The following CRYBB3 variants were observed in gnomAD, a reference collection of about 807,000 sequenced individuals.
The protein encoded by CRYBB3 is beta-crystallin B3.
Under a neutral mutation model 28.3 loss-of-function variants are expected in CRYBB3, and 35 were observed. The ratio of observed to expected loss-of-function variants is 1.24; its 90% CI spans 0.95 to 1.64. CRYBB3 has a LOEUF of 1.64. Ranked by LOEUF, CRYBB3 falls within the 40% of genes most tolerant of loss-of-function variation. The pLI is 0.00. For missense variants in CRYBB3, 296 were observed against 297.4 expected (o/e 1.00, Z 0.04); for synonymous variants, 106 against 110.4 (o/e 0.96, Z 0.25).
chr22:25,203,668 T>A, intron 3 of CRYBB3, 95 bp from the exon 4 acceptor site: 1 of 1,430,942 alleles, frequency 7.0e-7, no homozygotes, highest in Non-Finnish European at 9.8e-7. Context: ...GGTACAAGGT[T>A]CAAGGTCAGC....
In CRYBB3 at chr22:25,201,549, C is replaced by G. The variant is rs150327844; in HGVS notation, c.75+78C>G. ...TCATCTTCCCAGCCAAGCAGCACCT[C>G]TGCAGGAAGGAAGAGCCATCCTTCC... On this transcript the variant is annotated intron_variant, in intron 2 of 5. Transcript: ENST00000215855. 17 of 1,577,504 alleles carry G rather than the reference C, an allele frequency of 1.1e-5. No individual in the cohort carries two copies. The African/African-American group carries it at 1.8e-4, about 16-fold the overall frequency.
In CRYBB3 at chr22:25,207,081, C is replaced by T. The variant is rs755475309; in HGVS notation, c.505C>T (p.Arg169Cys). The T allele has an allele frequency of 8.1e-5, 131 of 1,613,340 alleles. No individual in the cohort carries two copies. Among genetic ancestry groups the T allele is most frequent in the Middle Eastern group, 1.6e-4 (1 of 6,062 alleles). ...VGYEFPGYRG[R>C]QYVFERGEYR... ...CTATGAGTTCCCCGGCTACCGTGGG[C>T]GCCAGTACGTGTTTGAGCGGGGCGA... The change falls in exon 6 of 6, where the codon CGC becomes TGC. Residue 169 changes from arginine to cysteine, a missense_variant. Coordinates refer to ENST00000215855, the MANE Select transcript of CRYBB3 (RefSeq NM_004076.5).
At chr22:25,201,532 C>G (rs1290361186) in intron 2 of CRYBB3, 61 bp downstream of exon 2, 1 of 1,596,446 alleles carries the variant, frequency 6.3e-7, no homozygotes, top group African/African-American at 1.3e-5. Flanking sequence ...GGTCATCTTC[C>G]CAGCCAAGCA....
intron 4 of CRYBB3, among the ~76,000 whole-genome samples, chr22:25,204,384 TTCTC>T (rs747890269): frequency 4.6e-5 from 7 of 151,906 alleles, no homozygotes; most frequent in Non-Finnish European, 8.8e-5. Flanking sequence ...AGTGCAGTCT[TTCTC>T]TCTCTCTCTT....
Position 25,207,058 on chromosome 22 carries a change from A to T in CRYBB3, c.482A>T (p.Tyr161Phe), listed in dbSNP as rs764603667. The T allele has an allele frequency of 6.2e-7, 1 of 1,613,474 alleles. No homozygotes were observed. The highest frequency in any genetic ancestry group is 8.5e-7 in the Non-Finnish European group (1 of 1,179,622). ...VRAINGTWVG[Y>F]EFPGYRGRQY... ...TGGTCTCCCGGCAGGTGGGTTGGCTATGAGTTCCCCGGCTACCGTGGGCGC... is the reference window on the plus strand; with the variant it reads ...TGGTCTCCCGGCAGGTGGGTTGGCTTTGAGTTCCCCGGCTACCGTGGGCGC... The change falls in exon 6 of 6, where the codon TAT (tyrosine) becomes TTT (phenylalanine). Residue 161 changes from tyrosine to phenylalanine, a missense_variant. Transcript: ENST00000215855.
Position 25,205,272 on chromosome 22 carries a change from G to A in CRYBB3, c.380G>A (p.Arg127His), listed in dbSNP as rs200584818. ...HLFENPAFSG[R>H]KMEIVDDDVP... ...TTTGAGAACCCAGCTTTCAGTGGCC[G>A]CAAGATGGAGATAGTGGATGATGAC... Residue 127 changes from arginine (R) to histidine (H), a missense_variant, in exon 5 of 6, where the codon CGC (arginine) becomes CAC (histidine). Arg to His is a conservative substitution (Grantham distance 29). Coordinates refer to ENST00000215855, the MANE Select transcript of CRYBB3 (RefSeq NM_004076.5). 3.7e-5 allele frequency: 60 copies of A among 1,613,978 alleles called. No individual in the cohort carries two copies. In the East Asian group the frequency reaches 5.4e-4, roughly 14 times the overall value.
chr22:25,204,922 C>T (rs1935005133), intron 4 of CRYBB3, among the ~76,000 whole-genome samples: 1 of 152,228 alleles, frequency 6.6e-6, no homozygotes, highest in Admixed American at 6.5e-5. Context: ...CCACCCTCTC[C>T]TGGCCTCAGT....
At chr22:25,201,507 A>C (rs989503152) in intron 2 of CRYBB3, 36 bp downstream of exon 2, 1 of 1,606,642 alleles carries the variant, frequency 6.2e-7, no homozygotes, top group African/African-American at 1.3e-5. Context: ...GGCCCAGGCT[A>C]CTCCTGGGCC....
Position 25,202,775 on chromosome 22 carries a change from C to T in CRYBB3, c.177C>T (p.Ile59=), listed in dbSNP as rs1245582610. 1 of 1,614,024 alleles carries T rather than the reference C, an allele frequency of 6.2e-7. No individual in the cohort carries two copies. Residue 59 remains isoleucine, a synonymous_variant, in exon 3 of 6, where the codon ATC becomes ATT. Coordinates refer to ENST00000215855, the MANE Select transcript of CRYBB3 (RefSeq NM_004076.5). Reference sequence around the variant, plus strand: ...GCCTGCTGGAGAAGGTGGGCTCCATCCAAGTGGAGTCCGGGCCGTGAGTAC... The same window carrying T: ...GCCTGCTGGAGAAGGTGGGCTCCATTCAAGTGGAGTCCGGGCCGTGAGTAC... ...TDSLLEKVGS[I]QVESGPWLAF...
chr22:25,202,522 A>G, intron 2 of CRYBB3, 152 bp from the exon 3 acceptor site: 2 of 1,482,132 alleles, frequency 1.3e-6, no homozygotes, highest in Non-Finnish European at 1.8e-6. Context: ...CTCCATGACC[A>G]TTAGAGGGCA....
At chr22:25,201,745 G>A (rs1934952944) in intron 2 of CRYBB3, among the ~76,000 whole-genome samples, 1 of 41,850 alleles carries the variant, frequency 2.4e-5, no homozygotes, top group South Asian at 4.1e-4. Context: ...TTCTGGAAAC[G>A]GCTCTGAGCT....
chr22:25,205,824 G>T (rs1335692851), intron 5 of CRYBB3, among the ~76,000 whole-genome samples: 1 of 152,118 alleles, frequency 6.6e-6, no homozygotes, highest in Non-Finnish European at 1.5e-5. Flanking sequence ...AGATTTCTAG[G>T]CAGCCTTGAC....
chr22:25,206,665 C>T (rs1393070737), intron 5 of CRYBB3, among the ~76,000 whole-genome samples: 4 of 152,040 alleles, frequency 2.6e-5, no homozygotes. Context: ...GTGAGGTACT[C>T]GATTCAGCCT....
In CRYBB3 at chr22:25,207,240, C is replaced by T. The variant is rs1935052044; in HGVS notation, c.*28C>T. 1 of 1,604,232 alleles carries T rather than the reference C, an allele frequency of 6.2e-7. No individual in the cohort carries two copies. The highest frequency in any genetic ancestry group is 8.5e-7 in the Non-Finnish European group (1 of 1,175,176). On this transcript the variant is annotated 3_prime_UTR_variant, in exon 6 of 6. Coordinates refer to ENST00000215855, the MANE Select transcript of CRYBB3 (RefSeq NM_004076.5). ...GGCACCCAGACTTCAAGGACCCAGA[C>T]CCACCCTGGGGGGCTGCAAGGGCAA...
chr22:25,207,101 G>C lies in CRYBB3; in HGVS notation c.525G>C (p.Arg175=). 1 of 1,613,342 alleles carries C rather than the reference G, an allele frequency of 6.2e-7. No homozygotes were observed. The highest frequency in any genetic ancestry group is 8.5e-7 in the Non-Finnish European group (1 of 1,179,526). ...GYRGRQYVFE[R]GEYRHWNEWD... ...GTGGGCGCCAGTACGTGTTTGAGCG[G>C]GGCGAGTACCGCCACTGGAATGAGT... Residue 175 remains arginine (R), a synonymous_variant, in exon 6 of 6, where the codon CGG becomes CGC. Transcript: ENST00000215855.
At chr22:25,202,004 T>G (rs1458203349) in intron 2 of CRYBB3, among the ~76,000 whole-genome samples, 1 of 152,210 alleles carries the variant, frequency 6.6e-6, no homozygotes, top group Non-Finnish European at 1.5e-5. Flanking sequence ...CTCCGGGGTC[T>G]TTTTGGGAAA....
chr22:25,205,096 T>C, intron 4 of CRYBB3, 124 bp from the exon 5 acceptor site: 1 of 1,307,670 alleles, frequency 7.6e-7, no homozygotes, highest in South Asian at 1.3e-5. Flanking sequence ...CCTTCCCTCC[T>C]GCAGCAGGTT....
chr22:25,204,005 C>T (rs1032163713), intron 4 of CRYBB3, 110 bp downstream of exon 4: 14 of 1,382,440 alleles, frequency 1.0e-5, no homozygotes, highest in Non-Finnish European at 1.4e-5. Flanking sequence ...CCATATGGAC[C>T]TGGCCTGGGA....
chr22:25,200,678 T>A lies in CRYBB3; in HGVS notation c.-20-699T>A, dbSNP rs540559201. Among the ~76,000 whole-genome samples, 28 of 152,202 alleles carry A rather than the reference T, an allele frequency of 1.8e-4. 1 individual carries two copies. Among genetic ancestry groups the A allele is most frequent in the Admixed American group, 1.7e-3 (26 of 15,294 alleles). On this transcript the variant is annotated intron_variant, in intron 1 of 5. Transcript: ENST00000215855. The stretch of plus-strand genomic sequence containing the variant: ...CCCTGTAGCAATGAAGAACTGTCGG[T>A]GTCTGGGTCTTGAAGTGGCTGGTAC...
Sources: allele counts gnomAD v4.1 joint callset (sites outside exome capture counted in the v4.1 genomes callset), GRCh38; gene constraint gnomAD v4.1.1; transcripts MANE v1.5; gene names NCBI Gene and HGNC (gene_info 2026-07-23, HGNC 2026-07-21).